The following CPE variants were observed in gnomAD, a reference collection of about 807,000 sequenced individuals.
CPE encodes carbocypeptidase E.
A neutral mutation model predicts 53.5 loss-of-function variants in CPE; 17 were observed. The ratio of observed to expected loss-of-function variants is 0.32; its 90% CI spans 0.22 to 0.48. The LOEUF is 0.48. Among genes scored for constraint, CPE ranks in the 20% least tolerant of loss-of-function variants. The probability of loss-of-function intolerance (pLI) is 0.99; values close to 1 mark genes in which losing one functional copy is unlikely to be tolerated. For missense variants in CPE, 524 were observed against 614.7 expected (o/e 0.85, Z 1.56); for synonymous variants, 226 against 228.8 (o/e 0.99, Z 0.11).
At chr4:165,462,576 A>G (rs2126699460) in intron 1 of CPE, among the ~76,000 whole-genome samples, 1 of 152,322 alleles carries the variant, frequency 6.6e-6, no homozygotes, top group East Asian at 1.9e-4. Flanking sequence ...GCCTCAATCA[A>G]ATGAATACAT....
intron 2 of CPE, among the ~76,000 whole-genome samples, chr4:165,466,997 A>G (rs1732117322): frequency 6.6e-6 from 1 of 152,150 alleles, no homozygotes; most frequent in Non-Finnish European, 1.5e-5. Flanking sequence ...AAGCATTTTA[A>G]TGGTTTCTTA....
intron 1 of CPE, among the ~76,000 whole-genome samples, chr4:165,432,256 C>G (rs1188515961): frequency 3.3e-5 from 5 of 152,320 alleles, no homozygotes; most frequent in Admixed American, 2.0e-4. Flanking sequence ...CAAGAAGACA[C>G]TGCACAAAGA....
intron 1 of CPE, among the ~76,000 whole-genome samples, chr4:165,436,746 C>T (rs556756169): frequency 2.6e-5 from 4 of 152,302 alleles, no homozygotes; most frequent in Non-Finnish European, 5.9e-5. Context: ...TCAAGTGATC[C>T]TCCTGCCCCA....
chr4:165,437,507 T>C (rs1731527421), intron 1 of CPE, among the ~76,000 whole-genome samples: 1 of 152,146 alleles, frequency 6.6e-6, no homozygotes, highest in Non-Finnish European at 1.5e-5. Context: ...CAAACACTTA[T>C]TAAACAGCAG....
intron 1 of CPE, among the ~76,000 whole-genome samples, chr4:165,421,625 C>T (rs1388838454): frequency 3.3e-5 from 5 of 151,790 alleles, no homozygotes; most frequent in African/African-American, 7.3e-5. Flanking sequence ...TACCTTTTCA[C>T]CCAGGAAGGG....
At chr4:165,442,055 TTTTTTG>T in intron 1 of CPE, among the ~76,000 whole-genome samples, 1 of 125,066 alleles carries the variant, frequency 8.0e-6, no homozygotes, top group Non-Finnish European at 1.6e-5. Flanking sequence ...TTGTTTTTTT[TTTTTTG>T]AGACAGGGTC....
In CPE at chr4:165,379,298, A is replaced by C. The variant is rs536627016; in HGVS notation, c.77A>C (p.Glu26Ala). Residue 26 changes from glutamate to alanine, a missense_variant, in exon 1 of 9, where the codon GAA becomes GCA. Glu to Ala is a moderately radical substitution (Grantham distance 107). Coordinates refer to ENST00000402744, the MANE Select transcript of CPE (RefSeq NM_001873.4). This position sits in a 1 kb window ranked among gnomAD's most constrained non-coding sequence, Gnocchi z 6.0. ...GCCTGCGGGTGGCTCCTGGGCGCCG[A>C]AGCCCAGGAGCCCGGGGCGCCCGCG... Reference protein sequence around the residue: ...LAACGWLLGAEAQEPGAPAAG... With the variant: ...LAACGWLLGAAAQEPGAPAAG... The C allele has an allele frequency of 6.6e-7, 1 of 1,526,706 alleles. No homozygotes were observed. The highest frequency in any genetic ancestry group is 2.3e-4 in the Middle Eastern group (1 of 4,278). The allele number at this position is 1,526,706 out of a possible 1,614,324, so 94.6% of individuals were successfully genotyped here.
At chr4:165,428,604 C>G (rs979705316) in intron 1 of CPE, among the ~76,000 whole-genome samples, 4 of 151,986 alleles carry the variant, frequency 2.6e-5, no homozygotes, top group African/African-American at 9.7e-5. Flanking sequence ...ATTCTAGAGA[C>G]CGGAAGTTTG....
intron 1 of CPE, among the ~76,000 whole-genome samples, chr4:165,403,688 C>A (rs1185593668): frequency 4.5e-5 from 6 of 132,190 alleles, no homozygotes; most frequent in South Asian, 2.4e-4. Context: ...TTTTTTTTTA[C>A]AGAGTTTGGT....
At chr4:165,442,036 G>GTTTTTTTGTT (rs1731622704) in intron 1 of CPE, among the ~76,000 whole-genome samples, 22 of 61,308 alleles carry the variant, frequency 3.6e-4, no homozygotes, top group African/African-American at 1.4e-3. Flanking sequence ...TTTTTTTTTT[G>GTTTTTTTGTT]TTTTTTTTTT....
intron 1 of CPE, among the ~76,000 whole-genome samples, chr4:165,427,887 A>T (rs1001804250): frequency 6.6e-6 from 1 of 152,220 alleles, no homozygotes; most frequent in African/African-American, 2.4e-5. Context: ...TCTTGAAAAA[A>T]ATGTGAATTT....
At chr4:165,438,868 G>T (rs1343957811) in intron 1 of CPE, among the ~76,000 whole-genome samples, 1 of 152,180 alleles carries the variant, frequency 6.6e-6, no homozygotes, top group Non-Finnish European at 1.5e-5. Flanking sequence ...CGCAAAGGAT[G>T]TGCACGGATG....
intron 1 of CPE, among the ~76,000 whole-genome samples, chr4:165,440,062 A>G (rs554578220): frequency 1.3e-5 from 2 of 152,230 alleles, no homozygotes; most frequent in Admixed American, 6.5e-5. Context: ...TTAGATATCC[A>G]TATCAGCCTT....
chr4:165,393,562 T>G (rs566520374), intron 1 of CPE, among the ~76,000 whole-genome samples: 7 of 152,278 alleles, frequency 4.6e-5, no homozygotes, highest in Middle Eastern at 3.4e-3. Flanking sequence ...TGCCCAAGGT[T>G]TTGAAGCCCA....
Position 165,484,531 on chromosome 4 carries a change from T to A in CPE, c.900T>A (p.Cys300Ter). 1 of 1,614,150 alleles carries A rather than the reference T, an allele frequency of 6.2e-7. No homozygotes were observed. The highest frequency in any genetic ancestry group is 8.5e-7 in the Non-Finnish European group (1 of 1,180,004). Residue 300 changes from cysteine to a stop codon, truncating the protein, a stop_gained, in exon 5 of 9, where the codon TGT becomes TGA. Coordinates refer to ENST00000402744, the MANE Select transcript of CPE (RefSeq NM_001873.4). LOFTEE classifies it high-confidence loss of function. ...TGTCTGACCCCAATCGGCCACCATG[T>A]CGCAAGAATGATGATGACAGCAGCT... ...PAMSDPNRPP[C>*]RKNDDDSSFV...
chr4:165,410,924 G>A (rs1579249183), intron 1 of CPE, among the ~76,000 whole-genome samples: 2 of 152,242 alleles, frequency 1.3e-5, no homozygotes, highest in South Asian at 4.2e-4. Flanking sequence ...CAGTCTAGCA[G>A]AAAGCTGGGT....
chr4:165,478,614 C>T (rs1732343508), intron 3 of CPE, among the ~76,000 whole-genome samples: 1 of 152,106 alleles, frequency 6.6e-6, no homozygotes, highest in Admixed American at 6.6e-5. Flanking sequence ...GAATCCATTA[C>T]CCTACAATCT....
At chr4:165,411,853 G>A (rs530791934) in intron 1 of CPE, among the ~76,000 whole-genome samples, 2 of 152,306 alleles carry the variant, frequency 1.3e-5, no homozygotes, top group Admixed American at 6.5e-5. Context: ...GGCTGGTGAT[G>A]GAGGCGAAAA....
chr4:165,473,699 A>G (rs1023351979), intron 3 of CPE, among the ~76,000 whole-genome samples: 1 of 152,236 alleles, frequency 6.6e-6, no homozygotes, highest in African/African-American at 2.4e-5. Flanking sequence ...TTTTTGCCCA[A>G]AAGAGTGTGA....
Sources: allele counts gnomAD v4.1 joint callset (sites outside exome capture counted in the v4.1 genomes callset), GRCh38; gene constraint gnomAD v4.1.1; non-coding constraint Gnocchi (gnomAD v3.1); transcripts MANE v1.5; gene names NCBI Gene and HGNC (gene_info 2026-07-23, HGNC 2026-07-21).